FBN1: variants seen among roughly 807,000 people sequenced by gnomAD.
The protein encoded by FBN1 is fibrillin-1.
In FBN1, 29 loss-of-function variants were observed where a neutral mutation model predicts 365.1. That is an observed-to-expected ratio of 0.08 (90% CI 0.06 to 0.11). FBN1 has a LOEUF of 0.11. Among genes scored for constraint, FBN1 ranks in the 10% least tolerant of loss-of-function variants. FBN1 has a pLI of 1.00. For synonymous variants in FBN1, 1,210 were observed against 1,270.5 expected, an observed-to-expected ratio of 0.95 and a Z score of 1.01; for missense variants, 2,476 against 3,703.2, an observed-to-expected ratio of 0.67 and a Z score of 8.60.
At chr15:48,589,295 C>G (rs1253033878) in intron 6 of FBN1, among the ~76,000 whole-genome samples, 1 of 152,174 alleles carries the variant, frequency 6.6e-6, no homozygotes, top group Non-Finnish European at 1.5e-5. Context: ...AAGTAGCCTA[C>G]AAAGTGGGCC....
intron 38 of FBN1, 35 bp downstream of exon 38, chr15:48,467,903 T>A: frequency 1.3e-6 from 2 of 1,586,252 alleles, no homozygotes; most frequent in Non-Finnish European, 1.7e-6. Flanking sequence ...CTGGCTGGAG[T>A]TGAAATAATA....
At chr15:48,596,119 G>A (rs2044513487) in intron 6 of FBN1, among the ~76,000 whole-genome samples, 164 bp downstream of exon 6, 1 of 152,180 alleles carries the variant, frequency 6.6e-6, no homozygotes, top group African/African-American at 2.4e-5. Context: ...TAGATTCAGG[G>A]CCGCTGTCTT....
intron 35 of FBN1, 47 bp from the exon 36 acceptor site, chr15:48,470,803 T>C (rs1566905463): frequency 6.3e-7 from 1 of 1,589,474 alleles, no homozygotes; most frequent in Admixed American, 1.8e-5. Flanking sequence ...TATATTTTTC[T>C]AAAAAAAACC....
At chr15:48,621,832 CAA>C (rs764161767) in intron 2 of FBN1, among the ~76,000 whole-genome samples, 16 of 114,772 alleles carry the variant, frequency 1.4e-4, no homozygotes, top group Non-Finnish European at 1.3e-4. Context: ...ACTAAAAATA[CAA>C]AAAAAAAAAA....
chr15:48,463,378 A>C, intron 41 of FBN1, 138 bp from the exon 42 acceptor site: 1 of 855,298 alleles, frequency 1.2e-6, no homozygotes, highest in Non-Finnish European at 2.0e-6. Context: ...GACACAAAAA[A>C]CTTGCTCTTA....
intron 2 of FBN1, among the ~76,000 whole-genome samples, chr15:48,628,039 T>C (rs1160540874): frequency 6.6e-6 from 1 of 152,214 alleles, no homozygotes; most frequent in African/African-American, 2.4e-5. Flanking sequence ...GCCTGTCATT[T>C]CACCCAGGAG....
intron 12 of FBN1, among the ~76,000 whole-genome samples, chr15:48,514,409 T>A (rs1337338759): frequency 6.6e-6 from 1 of 152,188 alleles, no homozygotes; most frequent in African/African-American, 2.4e-5. Context: ...GGTGTTCATA[T>A]CATCAGGAAA....
At chr15:48,444,389 G>T in intron 49 of FBN1, 152 bp downstream of exon 49, 1 of 881,326 alleles carries the variant, frequency 1.1e-6, no homozygotes, top group Non-Finnish European at 1.9e-6. Context: ...TTCTTGTCTT[G>T]CCAGAAGGAT....
intron 7 of FBN1, among the ~76,000 whole-genome samples, chr15:48,537,027 C>T (rs1051956899): frequency 6.6e-6 from 1 of 152,112 alleles, no homozygotes; most frequent in Non-Finnish European, 1.5e-5. Flanking sequence ...GCTGGAAGAA[C>T]AGGAGTAAAA....
At chr15:48,412,495 T>G in intron 65 of FBN1, 74 bp downstream of exon 65, 1 of 1,531,182 alleles carries the variant, frequency 6.5e-7, no homozygotes, top group Middle Eastern at 1.8e-4. Context: ...TGGAGCATCC[T>G]TGGAGGAAAC....
intron 8 of FBN1, among the ~76,000 whole-genome samples, chr15:48,531,823 T>C (rs2043975611): frequency 6.6e-6 from 1 of 152,082 alleles, no homozygotes; most frequent in Admixed American, 6.5e-5. Flanking sequence ...AGAGAATGTA[T>C]AGCACTAACA....
chr15:48,595,550 G>C (rs938590995), intron 6 of FBN1, among the ~76,000 whole-genome samples: 2 of 152,188 alleles, frequency 1.3e-5, no homozygotes, highest in South Asian at 2.1e-4. Flanking sequence ...TATCATACTT[G>C]TATTTTTAGG....
At chr15:48,419,982 C>T (rs2042927589) in intron 63 of FBN1, among the ~76,000 whole-genome samples, 2 of 152,184 alleles carry the variant, frequency 1.3e-5, no homozygotes, top group Non-Finnish European at 2.9e-5. Flanking sequence ...TATTACCGTC[C>T]CTTTCTGGAC....
chr15:48,567,730 A>ATATCTATATCTCTATATC (rs1164242039), intron 6 of FBN1, among the ~76,000 whole-genome samples: 1 of 152,186 alleles, frequency 6.6e-6, no homozygotes, highest in East Asian at 1.9e-4. Context: ...ATCTCAATAG[A>ATATCTATATCTCTATATC]TATAGACCAA....
rs1266023336 is a variant in FBN1 at position 48,485,609 on chromosome 15, T to C, written c.3590-113A>G. On this transcript the variant is annotated intron_variant, in intron 29 of 65. Transcript: ENST00000316623. ...TAACACTATTTAAGAGGCAGGGCCT[T>C]TAAAAGAGGTAATCATCCTATGAGG... is the stretch of plus-strand genomic sequence containing the variant. The C allele has an allele frequency of 4.3e-6, 5 of 1,160,036 alleles. No homozygotes were observed. The Admixed American group carries it at 9.5e-5, about 22-fold the overall frequency. The allele number at this position is 1,160,036 out of a possible 1,614,324, so 71.9% of individuals were successfully genotyped here.
intron 59 of FBN1, 96 bp from the exon 60 acceptor site, chr15:48,425,587 A>C: frequency 6.3e-7 from 1 of 1,576,822 alleles, no homozygotes; most frequent in South Asian, 1.1e-5. Flanking sequence ...AGTTTCGGGG[A>C]AAGAAAAAGG....
At chr15:48,413,887 A>G (rs1408051034) in intron 64 of FBN1, among the ~76,000 whole-genome samples, 2 of 152,190 alleles carry the variant, frequency 1.3e-5, no homozygotes, top group Admixed American at 1.3e-4. Flanking sequence ...GTTTCCCCCA[A>G]TCTTGCCAGA....
chr15:48,534,182 G>T lies in FBN1; in HGVS notation c.760C>A (p.Pro254Thr). 1 of 1,613,518 alleles carries T rather than the reference G, an allele frequency of 6.2e-7. No individual in the cohort carries two copies. The highest frequency in any genetic ancestry group is 8.5e-7 in the Non-Finnish European group (1 of 1,179,906). Residue 254 changes from proline to threonine, a missense_variant, in exon 8 of 66, where the codon CCC becomes ACC. By Grantham distance (38) the Pro-to-Thr change is conservative. Transcript: ENST00000316623. Reference protein sequence around the residue: ...CQDVDECQAIPGLCQGGNCIN... With the variant: ...CQDVDECQAITGLCQGGNCIN... ...CAATTTCCTCCCTGACAGAGCCCGG[G>T]GATGGCCTGGCATTCATCCACATCT...
intron 44 of FBN1, among the ~76,000 whole-genome samples, chr15:48,454,945 G>C (rs1247704568): frequency 6.6e-6 from 1 of 152,162 alleles, no homozygotes; most frequent in African/African-American, 2.4e-5. Context: ...GGGGCAGATT[G>C]CGCCACTGGA....
Sources: gnomAD v4.1 joint callset for allele counts (sites outside exome capture counted in the v4.1 genomes callset) on GRCh38, gnomAD v4.1.1 for gene constraint, MANE v1.5 for transcripts, NCBI Gene and HGNC (gene_info 2026-07-23, HGNC 2026-07-21) for gene names.